REC114: variants seen among roughly 807,000 people sequenced by gnomAD.
REC114 encodes the protein REC114 meiotic recombination protein, also known as meiotic recombination protein REC114.
REC114 carries 27 observed loss-of-function variants against 31.3 expected under a neutral mutation model. The ratio of observed to expected loss-of-function variants is 0.86; its 90% confidence interval spans 0.64 to 1.19. The LOEUF (loss-of-function observed/expected upper bound fraction) is 1.19. Among genes scored for constraint, REC114 ranks in the 50% most tolerant of loss-of-function variants. REC114 has a pLI of 0.00. For synonymous variants in REC114, 134 were observed against 127.7 expected (o/e 1.05, Z -0.33); for missense variants, 344 against 326.9 (o/e 1.05, Z -0.40).
At chr15:73,453,152 G>C (rs1417444625) in intron 1 of REC114, among the ~76,000 whole-genome samples, 1 of 152,118 alleles carries the variant, frequency 6.6e-6, no homozygotes, top group Non-Finnish European at 1.5e-5. Context: ...TTAAACTAAA[G>C]AGCTTCTGCA....
chr15:73,461,051 G>A (rs2151254290), intron 1 of REC114, among the ~76,000 whole-genome samples: 1 of 152,140 alleles, frequency 6.6e-6, no homozygotes, highest in South Asian at 2.1e-4. Flanking sequence ...TTTGATACAT[G>A]AGATAATTTT....
At position 73,530,188 on chromosome 15, in the gene REC114, T is replaced by C. The variant is rs116621913; in HGVS notation, c.250-10297T>C. On this transcript the variant is annotated intron_variant, in intron 2 of 5. Coordinates refer to ENST00000331090, the MANE Select transcript of REC114 (RefSeq NM_001042367.2). Reference sequence around the variant, plus strand: ...TAGGTACTTTGAAGTAAGGCAGGTATTGCTTCTCCAAGCACAATATTGTAT... The same window carrying C: ...TAGGTACTTTGAAGTAAGGCAGGTACTGCTTCTCCAAGCACAATATTGTAT... Among the ~76,000 whole-genome samples the C allele has an allele frequency of 5.8e-3, 881 of 152,318 alleles. 6 individuals are homozygous for C. Among genetic ancestry groups the C allele is most frequent in the African/African-American group, 0.02 (839 of 41,566 alleles).
At chr15:73,487,281 A>C (rs1893383634) in intron 2 of REC114, among the ~76,000 whole-genome samples, 1 of 152,226 alleles carries the variant, frequency 6.6e-6, no homozygotes, top group Admixed American at 6.5e-5. Context: ...AACTTGTTCC[A>C]GCACCATTTC....
intron 1 of REC114, among the ~76,000 whole-genome samples, chr15:73,473,417 A>T (rs944153684): frequency 6.6e-6 from 1 of 151,970 alleles, no homozygotes; most frequent in African/African-American, 2.4e-5. Flanking sequence ...GAAAAGAAAA[A>T]TGGATTACAT....
intron 2 of REC114, among the ~76,000 whole-genome samples, chr15:73,519,671 G>A (rs1047698904): frequency 3.3e-5 from 5 of 152,180 alleles, no homozygotes; most frequent in African/African-American, 1.2e-4. Flanking sequence ...AGAGATATTC[G>A]TACACTCATA....
chr15:73,556,581 G>A (rs1313252946), intron 5 of REC114, among the ~76,000 whole-genome samples, 190 bp downstream of exon 5: 1 of 152,118 alleles, frequency 6.6e-6, no homozygotes, highest in African/African-American at 2.4e-5. Context: ...AGTAAGTTGT[G>A]AGGTGAGACA....
At chr15:73,468,137 T>C (rs1226359936) in intron 1 of REC114, among the ~76,000 whole-genome samples, 2 of 152,326 alleles carry the variant, frequency 1.3e-5, no homozygotes, top group South Asian at 4.1e-4. Flanking sequence ...TAAGATAACA[T>C]ATTACAGGTT....
chr15:73,557,146 T>A (rs1007318838), intron 5 of REC114, among the ~76,000 whole-genome samples: 5 of 151,610 alleles, frequency 3.3e-5, no homozygotes, highest in African/African-American at 1.2e-4. Context: ...CTTGGCTCAC[T>A]GCAACCTCTG....
intron 5 of REC114, among the ~76,000 whole-genome samples, chr15:73,557,287 C>T (rs1244216443): frequency 6.6e-6 from 1 of 151,562 alleles, no homozygotes; most frequent in Non-Finnish European, 1.5e-5. Context: ...CCAGGCTGGT[C>T]TTGAACCCCA....
At position 73,487,651 on chromosome 15, in the gene REC114, A is replaced by G. The variant is rs888717196; in HGVS notation, c.249+13730A>G. 2.6e-5 allele frequency among the ~76,000 whole-genome samples: 4 copies of G among 152,362 alleles called. No homozygotes were observed. The South Asian group carries it at 8.3e-4, about 32-fold the overall frequency. ...CGTTAGAACTTTGTGAGCACGGCCCACACAGCAGTTCTCATGCGTTGGAGT... is the reference window on the plus strand; with the variant it reads ...CGTTAGAACTTTGTGAGCACGGCCCGCACAGCAGTTCTCATGCGTTGGAGT... On this transcript the variant is annotated intron_variant, in intron 2 of 5. Transcript: ENST00000331090.
At chr15:73,524,969 T>C (rs915518841) in intron 2 of REC114, among the ~76,000 whole-genome samples, 3 of 152,166 alleles carry the variant, frequency 2.0e-5, no homozygotes. Context: ...TTCGAAGAAC[T>C]GCAACAGATG....
At chr15:73,519,519 A>G (rs906671008) in intron 2 of REC114, among the ~76,000 whole-genome samples, 3 of 152,180 alleles carry the variant, frequency 2.0e-5, no homozygotes, top group African/African-American at 4.8e-5. Flanking sequence ...ACCCTTATAC[A>G]CTGTTGATGG....
chr15:73,527,172 G>C (rs1255846065), intron 2 of REC114, among the ~76,000 whole-genome samples: 1 of 152,142 alleles, frequency 6.6e-6, no homozygotes, highest in African/African-American at 2.4e-5. Flanking sequence ...ACTCTAGCTA[G>C]TTGTAACTTA....
At chr15:73,530,585 C>T (rs1894064935) in intron 2 of REC114, among the ~76,000 whole-genome samples, 1 of 152,144 alleles carries the variant, frequency 6.6e-6, no homozygotes, top group African/African-American at 2.4e-5. Context: ...GAGATCAAGG[C>T]TGCAGTGAGT....
chr15:73,549,038 A>T (rs1014748403), intron 3 of REC114, among the ~76,000 whole-genome samples: 3 of 152,126 alleles, frequency 2.0e-5, no homozygotes, highest in African/African-American at 7.2e-5. Flanking sequence ...AGGTAGAGGA[A>T]GGAGAGGATC....
chr15:73,479,778 A>G (rs369892608), intron 2 of REC114, among the ~76,000 whole-genome samples: 6 of 152,260 alleles, frequency 3.9e-5, no homozygotes, highest in Admixed American at 6.5e-5. Flanking sequence ...TTAAGGCTGA[A>G]TAATATTCAT....
chr15:73,445,288 A>C (rs902479857), intron 1 of REC114, among the ~76,000 whole-genome samples: 5 of 152,196 alleles, frequency 3.3e-5, no homozygotes, highest in African/African-American at 1.2e-4. Flanking sequence ...TCTTCTTCTA[A>C]GAAAAGGCTG....
chr15:73,446,240 TG>T, intron 1 of REC114, among the ~76,000 whole-genome samples: 1 of 152,334 alleles, frequency 6.6e-6, no homozygotes, highest in East Asian at 1.9e-4. Flanking sequence ...ATGAGGAACC[TG>T]GGATTTTGGA....
intron 3 of REC114, among the ~76,000 whole-genome samples, chr15:73,547,399 T>TG (rs1894325628): frequency 6.6e-6 from 1 of 152,044 alleles, no homozygotes; most frequent in African/African-American, 2.4e-5. Context: ...CAATAACAAA[T>TG]GCAGGAGAGG....
Sources: allele counts gnomAD v4.1 joint callset (sites outside exome capture counted in the v4.1 genomes callset), GRCh38; gene constraint gnomAD v4.1.1; transcripts MANE v1.5; gene names NCBI Gene and HGNC (gene_info 2026-07-23, HGNC 2026-07-21).